SNX25: variants seen among roughly 807,000 people sequenced by gnomAD.
SNX25 encodes sorting nexin 25.
Under a neutral mutation model 113.7 loss-of-function variants are expected in SNX25, and 62 were observed. The ratio of observed to expected loss-of-function variants is 0.55; its 90% CI spans 0.44 to 0.67. SNX25 has a LOEUF of 0.67. SNX25 is among the 30% of genes least tolerant of loss of function. SNX25 has a pLI of 0.00. For synonymous variants in SNX25, 421 were observed against 436.2 expected (o/e 0.97, Z 0.43); for missense variants, 1,014 against 1,161.0 (o/e 0.87, Z 1.84).
upstream of SNX25, among the ~76,000 whole-genome samples, chr4:185,207,250 G>T (rs1405739961): frequency 8.6e-6 from 1 of 116,212 alleles, no homozygotes; most frequent in East Asian, 2.6e-4. Context: ...ACGGAGTCTC[G>T]CTGTCGCCCA....
intron 4 of SNX25, among the ~76,000 whole-genome samples, 182 bp downstream of exon 4, chr4:185,264,792 T>C (rs919467742): frequency 3.3e-5 from 5 of 152,232 alleles, no homozygotes; most frequent in Non-Finnish European, 7.3e-5. Context: ...TATCGCCAAA[T>C]GCACAGTCCA....
intron 1 of SNX25, among the ~76,000 whole-genome samples, chr4:185,245,294 G>C (rs11946925): frequency 0.029 from 4,332 of 151,876 alleles, 97 homozygotes; most frequent in Middle Eastern, 0.068. Flanking sequence ...CAAGATAGTG[G>C]GGTTTTCATT....
At chr4:185,276,514 A>G (rs1162186873) in intron 5 of SNX25, among the ~76,000 whole-genome samples, 1 of 152,218 alleles carries the variant, frequency 6.6e-6, no homozygotes, top group Non-Finnish European at 1.5e-5. Context: ...CTAATAGATA[A>G]TGGAGAACGT....
chr4:185,342,371 C>T (rs1249882634), intron 12 of SNX25, among the ~76,000 whole-genome samples: 1 of 152,166 alleles, frequency 6.6e-6, no homozygotes, highest in Non-Finnish European at 1.5e-5. Context: ...TAAGGATCAC[C>T]TAGGTATCTC....
intron 14 of SNX25, 75 bp from the exon 15 acceptor site, chr4:185,353,410 C>T: frequency 8.7e-7 from 1 of 1,143,544 alleles, no homozygotes; most frequent in Middle Eastern, 2.0e-4. Flanking sequence ...GGAATTTACA[C>T]TTGAAGAGGG....
At chr4:185,371,379 AAAG>A (rs559981224), downstream of SNX25, among the ~76,000 whole-genome samples, 1,419 of 152,028 alleles carry the variant, frequency 9.3e-3, 18 homozygotes, top group African/African-American at 0.033. Context: ...CTCTACTAAA[AAAG>A]ATACAAAAAA....
chr4:185,259,215 T>C, intron 3 of SNX25, 151 bp downstream of exon 3: 1 of 677,518 alleles, frequency 1.5e-6, no homozygotes, highest in Non-Finnish European at 2.4e-6. Context: ...AATTATGTTC[T>C]GGTAGAGTAT....
chr4:185,317,701 C>T (rs1008910798), intron 7 of SNX25, among the ~76,000 whole-genome samples: 2 of 151,906 alleles, frequency 1.3e-5, no homozygotes, highest in African/African-American at 4.8e-5. Flanking sequence ...AACGAAACAC[C>T]ACATGTTTTC....
intron 15 of SNX25, among the ~76,000 whole-genome samples, chr4:185,354,068 A>G (rs949477836): frequency 1.3e-5 from 2 of 150,848 alleles, no homozygotes; most frequent in African/African-American, 4.9e-5. Context: ...AGAGCCAACC[A>G]GATACTATGC....
chr4:185,261,995 C>T (rs1747400711), intron 3 of SNX25, among the ~76,000 whole-genome samples: 1 of 152,122 alleles, frequency 6.6e-6, no homozygotes, highest in Non-Finnish European at 1.5e-5. Context: ...ACAGTGAGTC[C>T]AGGTTTAATG....
rs756531137 is a variant in SNX25, at chr4:185,339,425, G to A, written c.1961G>A (p.Arg654His). The A allele has an allele frequency of 3.7e-5, 60 of 1,613,856 alleles. No individual in the cohort carries two copies. Among genetic ancestry groups the A allele is most frequent in the Admixed American group, 1.8e-4 (11 of 59,990 alleles). Residue 654 changes from arginine (R) to histidine (H), a missense_variant, in exon 11 of 19, where the codon CGC becomes CAC. Arg to His is a conservative substitution (Grantham distance 29, BLOSUM62 0). Transcript: ENST00000652585. ...KDEIILIEKE[R>H]TDLQLHMART... ...GAAATAATCCTAATAGAGAAAGAAC[G>A]CACAGACCTTCAGCTGCACATGGCA...
intron 6 of SNX25, among the ~76,000 whole-genome samples, chr4:185,304,187 C>T (rs1754119851): frequency 6.6e-6 from 1 of 152,080 alleles, no homozygotes; most frequent in South Asian, 2.1e-4. Flanking sequence ...ACTCTGTCAC[C>T]CAGGCTGGAA....
chr4:185,209,708 G>T lies in SNX25; in HGVS notation c.-119G>T. ...AGAGGGGCCCGGCGGCGTCTGCGGG[G>T]GCCGCTCCCTCGGTGGGCCGCGGGC... is the stretch of plus-strand genomic sequence containing the variant. On this transcript the variant is annotated 5_prime_UTR_variant, in exon 1 of 19. Transcript: ENST00000652585. This position sits in a 1 kb window ranked among gnomAD's most constrained non-coding sequence, Gnocchi z 5.2. The T allele has an allele frequency of 1.0e-6, 1 of 982,452 alleles. No individual in the cohort carries two copies. Among genetic ancestry groups the T allele is most frequent in the Non-Finnish European group, 1.2e-6 (1 of 827,798 alleles). 60.9% of individuals were successfully genotyped at this position (982,452 alleles called of 1,614,324 possible).
At chr4:185,375,542 ATAAT>A in the SNX25 span, 14 of 279,502 alleles carry the variant, frequency 5.0e-5, no homozygotes, top group East Asian at 1.1e-3. Flanking sequence ...TAAAATATAA[ATAAT>A]TTTAATTGTG....
At position 185,254,435 on chromosome 4, in the gene SNX25, T is replaced by G. The variant is rs137907184; in HGVS notation, c.515-4413T>G. On this transcript the variant is annotated intron_variant, in intron 2 of 18. Transcript: ENST00000652585. ...GCGTGGACTTTCATGATCATGGGGCTGTACCTCATGGGCAGGACATGTATC... is the reference window on the plus strand; with the variant it reads ...GCGTGGACTTTCATGATCATGGGGCGGTACCTCATGGGCAGGACATGTATC... 7.9e-3 allele frequency among the ~76,000 whole-genome samples: 1,208 copies of G among 152,314 alleles called. 4 individuals carry two copies. The highest frequency in any genetic ancestry group is 0.024 in the Middle Eastern group (7 of 294).
chr4:185,335,277 G>A (rs1031835585), intron 10 of SNX25, among the ~76,000 whole-genome samples: 2 of 150,212 alleles, frequency 1.3e-5, no homozygotes, highest in Non-Finnish European at 3.0e-5. Flanking sequence ...CCGAGATCAC[G>A]CCATTGCACT....
At chr4:185,372,631 C>G (rs578193401), downstream of SNX25, among the ~76,000 whole-genome samples, 5 of 152,292 alleles carry the variant, frequency 3.3e-5, no homozygotes, top group South Asian at 6.2e-4. Context: ...TAAGAGGCGA[C>G]GAGGCCATGA....
intron 6 of SNX25, among the ~76,000 whole-genome samples, chr4:185,309,166 C>A (rs951434825): frequency 6.6e-6 from 1 of 152,030 alleles, no homozygotes; most frequent in Non-Finnish European, 1.5e-5. Context: ...AGCTGTGGTT[C>A]GGGGAGCCTC....
chr4:185,324,087 G>A (rs1365716656), intron 9 of SNX25, among the ~76,000 whole-genome samples: 2 of 152,154 alleles, frequency 1.3e-5, no homozygotes, highest in African/African-American at 4.8e-5. Context: ...CCTGCCCTCT[G>A]TCTGTTTTAG....
Sources: allele counts gnomAD v4.1 joint callset (sites outside exome capture counted in the v4.1 genomes callset), GRCh38; gene constraint gnomAD v4.1.1; non-coding constraint Gnocchi (gnomAD v3.1); transcripts MANE v1.5; gene names NCBI Gene and HGNC (gene_info 2026-07-23, HGNC 2026-07-21).